PIP4K2A: variants seen among roughly 807,000 people sequenced by gnomAD.
PIP4K2A encodes the protein phosphatidylinositol-5-phosphate 4-kinase type 2 alpha, also known as phosphatidylinositol 5-phosphate 4-kinase type-2 alpha.
A neutral mutation model predicts 42.9 loss-of-function variants in PIP4K2A; 14 were observed. The ratio of observed to expected loss-of-function variants is 0.33; its 90% CI spans 0.22 to 0.51. The LOEUF is 0.51. Among genes scored for constraint, PIP4K2A ranks in the 20% least tolerant of loss-of-function variants. The pLI, the probability that PIP4K2A is intolerant of heterozygous loss-of-function variation, is 0.97. For synonymous variants in PIP4K2A, 192 were observed against 192.2 expected (o/e 1.00, Z 0.01); for missense variants, 434 against 519.8 (o/e 0.83, Z 1.61).
At chr10:22,543,929 A>G (rs1295801880) in intron 7 of PIP4K2A, among the ~76,000 whole-genome samples, 2 of 152,160 alleles carry the variant, frequency 1.3e-5, no homozygotes, top group Admixed American at 6.5e-5. Flanking sequence ...TCCGTGTGAG[A>G]CAGCAGCCAG....
intron 4 of PIP4K2A, among the ~76,000 whole-genome samples, chr10:22,580,866 A>C (rs542367628): frequency 3.3e-5 from 5 of 152,322 alleles, no homozygotes; most frequent in African/African-American, 1.2e-4. Context: ...CTGCGATGGT[A>C]ATGTCTCGCT....
chr10:22,627,189 G>GA (rs745750101), intron 1 of PIP4K2A, among the ~76,000 whole-genome samples: 17 of 152,132 alleles, frequency 1.1e-4, no homozygotes, highest in Non-Finnish European at 2.1e-4. Context: ...CATATGCTAT[G>GA]AACATGAATC....
At position 22,664,202 on chromosome 10, in the gene PIP4K2A, T is replaced by C. The variant is rs11594399; in HGVS notation, c.144+49981A>G. Among the ~76,000 whole-genome samples the C allele has an allele frequency of 1.4e-3, 88 of 63,292 alleles. 2 individuals are homozygous for C. The highest frequency in any genetic ancestry group is 7.4e-3 in the African/African-American group (52 of 6,986). The allele number at this position is 63,292 out of a possible 152,430, so 41.5% of individuals were successfully genotyped here. On this transcript the variant is annotated intron_variant, in intron 1 of 9. Transcript: ENST00000376573. ...ATATACATATATATACATATATATA[T>C]ACATATATATATATACATATATATA...
chr10:22,673,297 C>CTGA, intron 1 of PIP4K2A, among the ~76,000 whole-genome samples: 2 of 152,332 alleles, frequency 1.3e-5, no homozygotes, highest in Admixed American at 1.3e-4. Flanking sequence ...TCCAACTAAA[C>CTGA]TGATTCCTTA....
intron 1 of PIP4K2A, among the ~76,000 whole-genome samples, chr10:22,620,865 C>T (rs1564445982): frequency 6.6e-6 from 1 of 152,176 alleles, no homozygotes; most frequent in Non-Finnish European, 1.5e-5. Flanking sequence ...TCCAGAGATC[C>T]ACTTAATTCC....
intron 1 of PIP4K2A, among the ~76,000 whole-genome samples, chr10:22,676,847 T>G (rs1001932741): frequency 4.6e-5 from 7 of 152,094 alleles, no homozygotes; most frequent in Non-Finnish European, 7.4e-5. Context: ...CAGTACTAAG[T>G]GCCACAGGGG....
intron 8 of PIP4K2A, among the ~76,000 whole-genome samples, chr10:22,540,805 G>A (rs778506003): frequency 6.6e-5 from 10 of 152,110 alleles, no homozygotes; most frequent in South Asian, 2.1e-4. Context: ...TCTGCCTGCC[G>A]CGGCCTCCCA....
chr10:22,659,069 T>C (rs997676064), intron 1 of PIP4K2A, among the ~76,000 whole-genome samples: 1 of 152,200 alleles, frequency 6.6e-6, no homozygotes, highest in African/African-American at 2.4e-5. Context: ...TAATCTTGGT[T>C]TGTCAAACCA....
rs11337795 is a variant in PIP4K2A, at chr10:22,555,897, TAAA to T, written c.679-5128_679-5126del. ...GAACACTAATGAGAGCTGATGAGCT[TAAA>T]AAAAAAAAAAAAATCACAAGAAAAT... On this transcript the variant is annotated intron_variant, in intron 6 of 9. Coordinates refer to ENST00000376573, the MANE Select transcript of PIP4K2A (RefSeq NM_005028.5). 8.4e-4 allele frequency among the ~76,000 whole-genome samples: 123 copies of T among 147,078 alleles called. 1 individual carries two copies. The highest frequency in any genetic ancestry group is 1.3e-3 in the African/African-American group (53 of 39,834).
At chr10:22,672,614 A>G (rs561927232) in intron 1 of PIP4K2A, among the ~76,000 whole-genome samples, 2 of 152,334 alleles carry the variant, frequency 1.3e-5, no homozygotes, top group East Asian at 3.9e-4. Context: ...CAGAGAAAAG[A>G]GAAATGAATA....
At chr10:22,665,796 ATATT>A (rs1839337250) in intron 1 of PIP4K2A, among the ~76,000 whole-genome samples, 1 of 151,690 alleles carries the variant, frequency 6.6e-6, no homozygotes, top group African/African-American at 2.4e-5. Context: ...TGCTATAAAT[ATATT>A]TATATATATA....
intron 1 of PIP4K2A, among the ~76,000 whole-genome samples, chr10:22,702,070 G>A (rs1370284481): frequency 6.6e-6 from 1 of 152,218 alleles, no homozygotes; most frequent in African/African-American, 2.4e-5. Context: ...TTGGTCTCCA[G>A]TATCCCTAGC....
chr10:22,627,591 T>TTAAAAAAAAAAAAAAAAAAAAAA (rs1838469308), intron 1 of PIP4K2A, among the ~76,000 whole-genome samples: 4 of 56,994 alleles, frequency 7.0e-5, no homozygotes, highest in Non-Finnish European at 9.4e-5. Flanking sequence ...TAATATGTAA[T>TTAAAAAAAAAAAAAAAAAAAAAA]AAAAAAAAAA....
At chr10:22,684,072 TC>T (rs943788699) in intron 1 of PIP4K2A, among the ~76,000 whole-genome samples, 3 of 151,628 alleles carry the variant, frequency 2.0e-5, no homozygotes, top group Non-Finnish European at 2.9e-5. Flanking sequence ...GTAGTCTTTT[TC>T]CCCCCCTTAA....
intron 1 of PIP4K2A, among the ~76,000 whole-genome samples, chr10:22,644,537 C>T (rs1838842832): frequency 6.6e-6 from 1 of 152,204 alleles, no homozygotes; most frequent in Admixed American, 6.5e-5. Context: ...TCGGTCCCCA[C>T]CTCACTTCCC....
chr10:22,617,959 G>C (rs555408245), intron 1 of PIP4K2A, among the ~76,000 whole-genome samples: 2 of 152,110 alleles, frequency 1.3e-5, no homozygotes, highest in African/African-American at 4.8e-5. Flanking sequence ...AAGCACAAAG[G>C]GTTCAAGATC....
At chr10:22,646,759 C>T (rs920929012) in intron 1 of PIP4K2A, among the ~76,000 whole-genome samples, 2 of 152,142 alleles carry the variant, frequency 1.3e-5, no homozygotes, top group African/African-American at 4.8e-5. Context: ...TTGCACCCAC[C>T]TGTGGAGTCT....
chr10:22,664,993 G>GA (rs1177062139), intron 1 of PIP4K2A, among the ~76,000 whole-genome samples: 13 of 147,730 alleles, frequency 8.8e-5, no homozygotes, highest in Non-Finnish European at 1.6e-4. Context: ...GAAAAATAAG[G>GA]AAAAAAACAT....
In PIP4K2A at chr10:22,579,858, G is replaced by T. The variant is rs12360229; in HGVS notation, c.493-6401C>A. On this transcript the variant is annotated intron_variant, in intron 4 of 9. Transcript: ENST00000376573. ...CAGGAGGTAGAGGCTGCAGTGAGCC[G>T]AGAGTGTGCCACTGCACTCCAGCCT... is the stretch of plus-strand genomic sequence containing the variant. Among the ~76,000 whole-genome samples the T allele has an allele frequency of 5.9e-5, 9 of 151,490 alleles. No homozygotes were observed. The East Asian group carries it at 1.7e-3, about 29-fold the overall frequency.
Sources: gnomAD v4.1 joint callset for allele counts (sites outside exome capture counted in the v4.1 genomes callset) on GRCh38, gnomAD v4.1.1 for gene constraint, MANE v1.5 for transcripts, NCBI Gene and HGNC (gene_info 2026-07-23, HGNC 2026-07-21) for gene names.